ARMCX4: variants seen among roughly 807,000 people sequenced by gnomAD.
The protein encoded by ARMCX4 is armadillo repeat containing X-linked 4.
In ARMCX4, 3 loss-of-function variants were observed where a neutral mutation model predicts 34.7. The observed-to-expected ratio is 0.09, with a 90% CI of 0.04 to 0.22. ARMCX4 has a LOEUF of 0.22. Ranked by LOEUF, ARMCX4 falls within the 10% of genes least tolerant of loss-of-function variation. The pLI is 1.00. For missense variants in ARMCX4, 1,448 were observed against 1,720.8 expected (o/e 0.84, Z 2.81); for synonymous variants, 513 against 632.8 (o/e 0.81, Z 2.84).
intron 2 of ARMCX4, among the ~76,000 whole-genome samples, chrX:101,434,687 G>A (rs1398726888): frequency 1.8e-5 from 2 of 109,458 alleles, no homozygotes; most frequent in Non-Finnish European, 3.8e-5. Context: ...TGCACAACGT[G>A]CTGGTTAGTT....
At position 101,490,508 on chromosome X, in the gene ARMCX4, C is replaced by A; in HGVS notation, c.1919C>A (p.Ala640Asp). The A allele has an allele frequency of 8.7e-7, 1 of 1,155,335 alleles. No homozygotes were observed. The highest frequency in any genetic ancestry group is 1.1e-6 in the Non-Finnish European group (1 of 872,690). Reference sequence around the variant, plus strand: ...GCAGTGGTCAGTTTCCAGGGTGAGGCCTTGCTTGGCACCAAGAATAAAGTT... The same window carrying A: ...GCAGTGGTCAGTTTCCAGGGTGAGGACTTGCTTGGCACCAAGAATAAAGTT... The part of the protein sequence containing the change: ...PEAVVSFQGE[A>D]LLGTKNKVKG... Residue 640 changes from alanine to aspartate, a missense_variant, in exon 6 of 6, where the codon GCC becomes GAC. Transcript: ENST00000423738.
chrX:101,468,768 C>G (rs1932840004), intron 4 of ARMCX4, among the ~76,000 whole-genome samples: 1 of 111,104 alleles, frequency 9.0e-6, no homozygotes, highest in Non-Finnish European at 1.9e-5. Context: ...TGTCTGCCAC[C>G]ATGCCTGGCT....
At chrX:101,534,348 A>C (rs1935184957), downstream of ARMCX4, among the ~76,000 whole-genome samples, 1 of 111,674 alleles carries the variant, frequency 9.0e-6, no homozygotes, top group South Asian at 3.7e-4. Flanking sequence ...TTGAAATTAA[A>C]AACGGTAGTT....
chrX:101,446,877 C>T (rs1555998159), downstream of ARMCX4, among the ~76,000 whole-genome samples: 1 of 110,689 alleles, frequency 9.0e-6, no homozygotes. Context: ...TCGCTTGAAC[C>T]CGGGCAGCAG....
downstream of ARMCX4, among the ~76,000 whole-genome samples, chrX:101,496,227 A>C (rs1387201403): frequency 3.6e-5 from 4 of 110,373 alleles, no homozygotes; most frequent in Non-Finnish European, 5.7e-5. Context: ...ATATTACTAC[A>C]TCCACCCCTG....
intron 4 of ARMCX4, among the ~76,000 whole-genome samples, chrX:101,455,418 A>G (rs998844691): frequency 5.4e-5 from 6 of 111,584 alleles, no homozygotes; most frequent in Non-Finnish European, 1.1e-4. Context: ...AATTGAATCT[A>G]TTTGTATTTT....
downstream of ARMCX4, chrX:101,499,246 C>T (rs781931586): frequency 7.2e-5 from 8 of 111,618 alleles, no homozygotes; most frequent in Middle Eastern, 4.6e-3. Flanking sequence ...GGAAATGACA[C>T]GAACTCATTA....
chrX:101,474,420 A>G (rs1245040375), intron 4 of ARMCX4, among the ~76,000 whole-genome samples: 9 of 109,606 alleles, frequency 8.2e-5, no homozygotes, highest in Admixed American at 2.0e-4. Context: ...AACTATTTCA[A>G]TCAATAGAAA....
chrX:101,488,068 G>C lies in ARMCX4; in HGVS notation c.-178G>C. On this transcript the variant is annotated 5_prime_UTR_variant, in exon 5 of 6. Coordinates refer to ENST00000423738, the MANE Select transcript of ARMCX4 (RefSeq NM_001256155.3). ...GGGTGTACTGCCAAGAGAAGCAAGA[G>C]GAGAGGAGGGAACTGCCTCGGATCA... is the stretch of plus-strand genomic sequence containing the variant. 1 of 942,646 alleles carries C rather than the reference G, an allele frequency of 1.1e-6. No homozygotes were observed. The allele number at this position is 942,646 out of a possible 1,213,427, so 77.7% of individuals were successfully genotyped here. A position where few individuals can be genotyped will look rare whatever the true frequency, so the allele number is the denominator to read the frequency against.
Position 101,491,693 on chromosome X carries a change from G to T in ARMCX4, c.3104G>T (p.Gly1035Val), listed in dbSNP as rs7050935. 7.4e-3 allele frequency: 8,557 copies of T among 1,155,317 alleles called. 400 individuals are homozygous for T. In the African/African-American group the frequency reaches 0.13, roughly 18 times the overall value. The part of the protein sequence containing the change: ...RHSAQPQIVA[G>V]SQGETLPGAR... ...TCTGCCCAGCCTCAGATTGTGGCCG[G>T]TTCCCAGGGTGAGACCTTGCCTGGG... Residue 1035 changes from glycine to valine, a missense_variant, in exon 6 of 6, where the codon GGT (glycine) becomes GTT (valine). Coordinates refer to ENST00000423738, the MANE Select transcript of ARMCX4 (RefSeq NM_001256155.3).
At chrX:101,454,185 A>G (rs1932138477) in intron 4 of ARMCX4, among the ~76,000 whole-genome samples, 1 of 109,606 alleles carries the variant, frequency 9.1e-6, no homozygotes, top group African/African-American at 3.3e-5. Flanking sequence ...AATGTTTAAC[A>G]ATCAGTTCTC....
At chrX:101,434,568 AC>A (rs1699485545) in intron 2 of ARMCX4, among the ~76,000 whole-genome samples, 1 of 111,529 alleles carries the variant, frequency 9.0e-6, no homozygotes, top group Admixed American at 9.5e-5. Flanking sequence ...TTCTTAAAAA[AC>A]ATCAAAATGA....
At position 101,512,777 on chromosome X, in the gene ARMCX4, TATATATACACATATATATAC is replaced by T. The variant is rs1346681244; in HGVS notation, c.*1780+1740_*1780+1759del. Among the ~76,000 whole-genome samples the T allele has an allele frequency of 1.3e-4, 14 of 104,661 alleles. No homozygotes were observed. The East Asian group carries it at 2.4e-3, about 18-fold the overall frequency. 90.9% of individuals were successfully genotyped at this position (104,661 alleles called of 115,157 possible). The stretch of plus-strand genomic sequence containing the variant: ...ATACATACATATATATACACACATA[TATATATACACATATATATAC>T]ATATATACACATATATACACATATA... On this transcript the variant is annotated intron_variant and NMD_transcript_variant, in intron 11 of 12. Coordinates refer to the ARMCX4 transcript ENST00000354842.
chrX:101,526,553 G>C (rs145299259), intron 11 of ARMCX4, among the ~76,000 whole-genome samples: 2,658 of 111,880 alleles, frequency 0.024, 75 homozygotes, highest in African/African-American at 0.081. Flanking sequence ...TGGATAAAGA[G>C]TCAAGAACCA....
At position 101,511,626 on chromosome X, in the gene ARMCX4, G is replaced by A. The variant is rs782625349; in HGVS notation, c.*1780+571G>A. On this transcript the variant is annotated intron_variant and NMD_transcript_variant, in intron 11 of 12. Transcript: ENST00000354842. ...ATCATTGTGGCACACACAAATGCCA[G>A]TTTTCATAGATACTTTTTTTTTTTC... Among the ~76,000 whole-genome samples the A allele has an allele frequency of 5.4e-5, 6 of 110,850 alleles. No homozygotes were observed. In the South Asian group the frequency reaches 1.6e-3, roughly 29 times the overall value.
At chrX:101,506,196 C>G (rs1248270965) in intron 8 of ARMCX4, among the ~76,000 whole-genome samples, 1 of 112,244 alleles carries the variant, frequency 8.9e-6, no homozygotes, top group East Asian at 2.8e-4. Flanking sequence ...ACAGTAACTC[C>G]TCCCACTGCT....
chrX:101,494,398 A>C lies in ARMCX4; in HGVS notation c.5809A>C (p.Lys1937Gln). Residue 1937 changes from lysine to glutamine, a missense_variant, in exon 6 of 6, where the codon AAG becomes CAG. Lys to Gln is a moderately conservative substitution (Grantham distance 53). Coordinates refer to ENST00000423738, the MANE Select transcript of ARMCX4 (RefSeq NM_001256155.3). ...GAGDNTSIKD[K>Q]FEAAGGVDIG... is the part of the protein sequence containing the mutation. ...TGGGGATAACACCAGCATCAAGGAT[A>C]AGTTTGAGGCTGCTGGTGGAGTTGA... The C allele has an allele frequency of 1.7e-6, 2 of 1,155,587 alleles. No homozygotes were observed. Among genetic ancestry groups the C allele is most frequent in the Non-Finnish European group, 2.3e-6 (2 of 872,724 alleles).
At chrX:101,506,758 G>A (rs1603221896) in intron 8 of ARMCX4, among the ~76,000 whole-genome samples, 3 of 110,942 alleles carry the variant, frequency 2.7e-5, no homozygotes, top group Middle Eastern at 4.6e-3. Flanking sequence ...CAGAATTGGA[G>A]TACTCTATGT....
intron 2 of ARMCX4, among the ~76,000 whole-genome samples, chrX:101,433,236 A>ATG (rs1555993052): frequency 3.7e-5 from 1 of 26,868 alleles, no homozygotes; most frequent in Non-Finnish European, 1.3e-4. Flanking sequence ...ATATGTACAC[A>ATG]TATGTATATA....
Sources: gnomAD v4.1 joint callset for allele counts (sites outside exome capture counted in the v4.1 genomes callset) on GRCh38, gnomAD v4.1.1 for gene constraint, MANE v1.5 for transcripts, NCBI Gene and HGNC (gene_info 2026-07-23, HGNC 2026-07-21) for gene names.